Variants in MAP6 observed in about 807,000 individuals in gnomAD.
The protein encoded by MAP6 is microtubule-associated protein 6.
Under a neutral mutation model 42.4 loss-of-function variants are expected in MAP6, and 26 were observed. That is an observed-to-expected ratio of 0.61 (90% CI 0.45 to 0.85). The LOEUF (loss-of-function observed/expected upper bound fraction) is 0.85. Ranked by LOEUF, MAP6 falls within the 40% of genes least tolerant of loss-of-function variation. The pLI is 0.00. For synonymous variants in MAP6, 418 were observed against 443.8 expected (o/e 0.94, Z 0.73); for missense variants, 966 against 1,099.0 (o/e 0.88, Z 1.71).
intron 1 of MAP6, among the ~76,000 whole-genome samples, chr11:75,649,602 A>C (rs1176330678): frequency 6.6e-6 from 1 of 152,066 alleles, no homozygotes; most frequent in African/African-American, 2.4e-5. Flanking sequence ...GCAGTGGTGC[A>C]ATCTCGGCTC....
At chr11:75,666,585 G>T (rs192119799) in intron 1 of MAP6, among the ~76,000 whole-genome samples, 103 of 152,336 alleles carry the variant, frequency 6.8e-4, no homozygotes, top group Non-Finnish European at 9.3e-4. Flanking sequence ...CATGTGGAAG[G>T]TAGGAATGGA....
chr11:75,645,367 G>A (rs1249750332), intron 1 of MAP6, among the ~76,000 whole-genome samples: 1 of 152,044 alleles, frequency 6.6e-6, no homozygotes, highest in Non-Finnish European at 1.5e-5. Context: ...TGGAGTCGGG[G>A]AACCTGCCAC....
intron 1 of MAP6, among the ~76,000 whole-genome samples, chr11:75,618,876 A>G (rs1943052925): frequency 6.6e-6 from 1 of 152,188 alleles, no homozygotes; most frequent in South Asian, 2.1e-4. Context: ...GAAGCACAGC[A>G]TATCCCTGGG....
intron 1 of MAP6, among the ~76,000 whole-genome samples, chr11:75,624,046 T>C (rs1943156172): frequency 6.6e-6 from 1 of 152,216 alleles, no homozygotes. Flanking sequence ...AATCATGGAC[T>C]TCATTTACCC....
At chr11:75,661,908 C>T (rs1416264827) in intron 1 of MAP6, among the ~76,000 whole-genome samples, 1 of 152,092 alleles carries the variant, frequency 6.6e-6, no homozygotes, top group Non-Finnish European at 1.5e-5. Flanking sequence ...ATTATCTCCA[C>T]AGACAATCCA....
intron 1 of MAP6, among the ~76,000 whole-genome samples, chr11:75,636,516 G>A (rs749372952): frequency 2.6e-5 from 4 of 152,132 alleles, no homozygotes; most frequent in South Asian, 2.1e-4. Flanking sequence ...ACTGTCCCTC[G>A]CTCTTCAGCC....
At chr11:75,588,750 T>C (rs575150170) in intron 3 of MAP6, among the ~76,000 whole-genome samples, 1 of 152,282 alleles carries the variant, frequency 6.6e-6, no homozygotes, top group African/African-American at 2.4e-5. Context: ...GGAATGCCCC[T>C]CTCTCCCTCT....
chr11:75,627,070 A>G (rs1943210083), intron 1 of MAP6, among the ~76,000 whole-genome samples: 1 of 152,228 alleles, frequency 6.6e-6, no homozygotes, highest in South Asian at 2.1e-4. Context: ...TTTGGAGCAG[A>G]GCCAAACTGT....
intron 1 of MAP6, among the ~76,000 whole-genome samples, chr11:75,651,520 G>A (rs151189592): frequency 5.9e-5 from 9 of 151,858 alleles, no homozygotes; most frequent in Admixed American, 3.3e-4. Context: ...TTTATCCCTC[G>A]TCCATTTTTT....
Position 75,657,313 on chromosome 11 carries a change from G to A in MAP6, c.905+10152C>T, listed in dbSNP as rs562210202. 5.3e-5 allele frequency among the ~76,000 whole-genome samples: 8 copies of A among 152,138 alleles called. No homozygotes were observed. The East Asian group carries it at 9.7e-4, about 18-fold the overall frequency. On this transcript the variant is annotated intron_variant, in intron 1 of 3. Coordinates refer to ENST00000304771, the MANE Select transcript of MAP6 (RefSeq NM_033063.2). ...TTTTAGTAGAGACGGGGGTTTCACC[G>A]TGTTAGCCAGGATGGTCTCGATTTC...
chr11:75,595,893 G>A (rs552581019), intron 3 of MAP6, among the ~76,000 whole-genome samples: 15 of 149,900 alleles, frequency 1.0e-4, no homozygotes, highest in Middle Eastern at 3.4e-3. Context: ...GCCTCCTTCC[G>A]TACTTCCACA....
At chr11:75,607,725 C>T (rs1003996557) in intron 2 of MAP6, 20 of 966,350 alleles carry the variant, frequency 2.1e-5, no homozygotes, top group African/African-American at 5.3e-5. Flanking sequence ...GGAGGGGAGC[C>T]GGGCATGGGG....
chr11:75,660,067 C>T (rs924490499), intron 1 of MAP6, among the ~76,000 whole-genome samples: 1 of 152,328 alleles, frequency 6.6e-6, no homozygotes, highest in African/African-American at 2.4e-5. Context: ...CTGCTGAGTT[C>T]ATATGAGGTT....
At chr11:75,640,322 T>G (rs1019526336) in intron 1 of MAP6, among the ~76,000 whole-genome samples, 4 of 152,174 alleles carry the variant, frequency 2.6e-5, no homozygotes, top group African/African-American at 9.7e-5. Flanking sequence ...GAACAATTGC[T>G]ACCATTGGTG....
chr11:75,606,106 G>A, intron 2 of MAP6, 102 bp from the exon 3 acceptor site: 1 of 1,409,668 alleles, frequency 7.1e-7, no homozygotes, highest in Non-Finnish European at 9.6e-7. Flanking sequence ...TGACGGTAAT[G>A]ACAGAGGTTG....
At chr11:75,603,090 T>C in intron 3 of MAP6, 1 of 985,646 alleles carries the variant, frequency 1.0e-6, no homozygotes, top group Non-Finnish European at 1.2e-6. Context: ...ATTAGACACT[T>C]CCTGTCTGCC....
At chr11:75,590,544 A>G (rs1227059119) in intron 3 of MAP6, among the ~76,000 whole-genome samples, 1 of 152,232 alleles carries the variant, frequency 6.6e-6, no homozygotes, top group Non-Finnish European at 1.5e-5. Context: ...GTTGTGAGCT[A>G]GCCTCAACTT....
rs375308004 is a variant in MAP6, at chr11:75,587,296, T to C, written c.2205A>G (p.Pro735=). Residue 735 remains proline, a synonymous_variant, in exon 4 of 4, where the codon CCA becomes CCG. Coordinates refer to ENST00000304771, the MANE Select transcript of MAP6 (RefSeq NM_033063.2). ...KDQGPTVLQP[P]KNQGRIVPEP... ...CAGGGACTATACGACCTTGATTCTT[T>C]GGAGGCTGTAGGACTGTGGGGCCTT... is the stretch of plus-strand genomic sequence containing the variant. The C allele has an allele frequency of 2.6e-5, 42 of 1,614,058 alleles. No homozygotes were observed. Among genetic ancestry groups the C allele is most frequent in the Non-Finnish European group, 3.3e-5 (39 of 1,180,040 alleles).
chr11:75,607,765 GC>G, intron 2 of MAP6: 3 of 672,846 alleles, frequency 4.5e-6, no homozygotes, highest in Non-Finnish European at 5.5e-6. Flanking sequence ...CCCTTCTGGG[GC>G]CCAAGCACAT....
Sources: allele counts gnomAD v4.1 joint callset (sites outside exome capture counted in the v4.1 genomes callset), GRCh38; gene constraint gnomAD v4.1.1; transcripts MANE v1.5; gene names NCBI Gene and HGNC (gene_info 2026-07-23, HGNC 2026-07-21).